Variants in EPB41L3 observed in about 807,000 individuals in gnomAD.
EPB41L3 encodes the protein erythrocyte membrane protein band 4.1 like 3.
A neutral mutation model predicts 127.1 loss-of-function variants in EPB41L3; 57 were observed. That is an observed-to-expected ratio of 0.45 (90% CI 0.36 to 0.56). EPB41L3 has a LOEUF of 0.56. EPB41L3 is among the 20% of genes least tolerant of loss of function. The pLI is 0.00. For missense variants in EPB41L3, 1,273 were observed against 1,372.2 expected, an observed-to-expected ratio of 0.93 and a Z score of 1.14; for synonymous variants, 572 against 549.5, an observed-to-expected ratio of 1.04 and a Z score of -0.57.
At chr18:5,564,196 A>G (rs933481035) in intron 3 of EPB41L3, among the ~76,000 whole-genome samples, 2 of 152,204 alleles carry the variant, frequency 1.3e-5, no homozygotes, top group Non-Finnish European at 2.9e-5. Context: ...AAAGATTTAA[A>G]GAAATGGAGA....
At chr18:5,563,251 A>G (rs925062080) in intron 3 of EPB41L3, among the ~76,000 whole-genome samples, 2 of 152,188 alleles carry the variant, frequency 1.3e-5, no homozygotes, top group African/African-American at 4.8e-5. Flanking sequence ...AATTATGCAC[A>G]TTGAGATAAG....
At chr18:5,417,196 T>C (rs771621459) in intron 12 of EPB41L3, among the ~76,000 whole-genome samples, 4 of 152,236 alleles carry the variant, frequency 2.6e-5, no homozygotes, top group Non-Finnish European at 5.9e-5. Flanking sequence ...CAGAAAGATA[T>C]AATTTCCCAG....
At chr18:5,505,817 ACACCTTCACCTCCACCCCTT>A (rs2092140909) in intron 1 of EPB41L3, among the ~76,000 whole-genome samples, 3 of 97,040 alleles carry the variant, frequency 3.1e-5, no homozygotes, top group African/African-American at 4.2e-5. Context: ...CCTTCCCTCT[ACACCTTCACCTCCACCCCTT>A]CCCTCCACAC....
chr18:5,436,317 C>CA (rs200779856), intron 6 of EPB41L3, among the ~76,000 whole-genome samples: 7 of 147,332 alleles, frequency 4.8e-5, no homozygotes, highest in Admixed American at 6.8e-5. Flanking sequence ...GTAATTATGA[C>CA]AAAAAAATCC....
chr18:5,440,515 C>T (rs1271053820), intron 5 of EPB41L3, among the ~76,000 whole-genome samples: 1 of 152,028 alleles, frequency 6.6e-6, no homozygotes, highest in Non-Finnish European at 1.5e-5. Flanking sequence ...TACATCTGCT[C>T]AAATGAGGGC....
chr18:5,542,854 G>T (rs1207731426), intron 1 of EPB41L3, among the ~76,000 whole-genome samples: 4 of 152,222 alleles, frequency 2.6e-5, no homozygotes, highest in Non-Finnish European at 5.9e-5. Flanking sequence ...CTTGGCGGGC[G>T]TGGGGGGGAA....
intron 11 of EPB41L3, among the ~76,000 whole-genome samples, chr18:5,422,002 T>C (rs1350687227): frequency 6.6e-6 from 1 of 151,972 alleles, no homozygotes; most frequent in Non-Finnish European, 1.5e-5. Context: ...GAAAAAAGAG[T>C]AATTATCAAT....
At chr18:5,486,551 G>A (rs768791420) in intron 2 of EPB41L3, among the ~76,000 whole-genome samples, 1 of 152,014 alleles carries the variant, frequency 6.6e-6, no homozygotes, top group Non-Finnish European at 1.5e-5. Context: ...AGAGCCTACA[G>A]GATAGTAGAA....
At chr18:5,462,185 C>T (rs1445981294) in intron 3 of EPB41L3, among the ~76,000 whole-genome samples, 2 of 152,210 alleles carry the variant, frequency 1.3e-5, no homozygotes, top group Non-Finnish European at 2.9e-5. Flanking sequence ...TGATGTAAAG[C>T]TACTTCTAAT....
chr18:5,447,595 C>T (rs932432225), intron 3 of EPB41L3, among the ~76,000 whole-genome samples: 3 of 152,074 alleles, frequency 2.0e-5, no homozygotes, highest in Non-Finnish European at 4.4e-5. Context: ...CTTCACTGGA[C>T]CCTATGCCTC....
rs1598871904 is a variant in EPB41L3 at position 5,433,351 on chromosome 18, T to C, written c.912+118A>G. The C allele has an allele frequency of 4.3e-6, 3 of 699,744 alleles. No homozygotes were observed. The East Asian group carries it at 8.3e-5, about 19-fold the overall frequency. The allele number at this position is 699,744 out of a possible 1,614,324, so 43.3% of individuals were successfully genotyped here. A position where few individuals can be genotyped will look rare whatever the true frequency, so the allele number is the denominator to read the frequency against. The stretch of plus-strand genomic sequence containing the variant: ...TAGGGCTTAAAAGACAAGCAGAGAT[T>C]TGAATTCTCAGAGGTTTCATTTACA... On this transcript the variant is annotated intron_variant, in intron 8 of 22. Coordinates refer to ENST00000341928, the MANE Select transcript of EPB41L3 (RefSeq NM_012307.5).
In EPB41L3 at chr18:5,399,661, C is replaced by T. The variant is rs187261972; in HGVS notation, c.2350-1518G>A. ...AAATTTTTTGAAGAACAGATTTGCT[C>T]TTATGATAAATTTTGGATCATTTTA... On this transcript the variant is annotated intron_variant, in intron 16 of 22. Transcript: ENST00000341928. The T allele has an allele frequency of 1.3e-3, 375 of 286,324 alleles. 5 individuals carry two copies. The highest frequency in any genetic ancestry group is 7.9e-3 in the African/African-American group (362 of 45,966). The allele number at this position is 286,324 out of a possible 1,614,324, so 17.7% of individuals were successfully genotyped here.
At position 5,561,089 on chromosome 18, in the gene EPB41L3, T is replaced by A. The variant is rs866169910; in HGVS notation, c.-306+51251A>T. 1.3e-4 allele frequency among the ~76,000 whole-genome samples: 19 copies of A among 148,752 alleles called. 3 individuals carry two copies. The highest frequency in any genetic ancestry group is 4.3e-4 in the South Asian group (2 of 4,618). On this transcript the variant is annotated intron_variant, in intron 3 of 21. Coordinates refer to the EPB41L3 transcript ENST00000545076. ...GCCTCCCAGGTTCACGCCATTCTCC[T>A]GCCTCAGCCTCCCGAGTAGCTGGGA...
chr18:5,575,277 C>G lies in EPB41L3; in HGVS notation c.-306+37063G>C, dbSNP rs577938304. Among the ~76,000 whole-genome samples the G allele has an allele frequency of 2.0e-5, 3 of 152,216 alleles. No homozygotes were observed. In the South Asian group the frequency reaches 6.2e-4, roughly 32 times the overall value. On this transcript the variant is annotated intron_variant, in intron 3 of 21. Coordinates refer to the EPB41L3 transcript ENST00000545076. ...GCTTGGATGTGTGTGCCCTCCAGAT[C>G]TCAGGTTGAAATGTGATCTCCAGTG...
intron 2 of EPB41L3, chr18:5,479,829 G>A (rs755943337): frequency 5.3e-5 from 8 of 151,894 alleles, no homozygotes; most frequent in Non-Finnish European, 1.0e-4. Flanking sequence ...TTTAATCACT[G>A]TCTTTCTATA....
chr18:5,419,828 G>A lies in EPB41L3; in HGVS notation c.1389C>T (p.Asn463=), dbSNP rs773713522. ...YATTKGISQT[N]LITTVTPEKK... ...TCTCCGGAGTCACAGTGGTGATCAA[G>A]TTGGTCTGAGAGATGCCTTTTGTTG... is the stretch of plus-strand genomic sequence containing the variant. Residue 463 remains asparagine, a synonymous_variant, in exon 12 of 23, where the codon AAC becomes AAT. Transcript: ENST00000341928. 1.5e-5 allele frequency: 25 copies of A among 1,614,086 alleles called. No individual in the cohort carries two copies. The highest frequency in any genetic ancestry group is 1.9e-5 in the Non-Finnish European group (23 of 1,180,056).
intron 1 of EPB41L3, among the ~76,000 whole-genome samples, chr18:5,626,538 G>A (rs1042166690): frequency 2.6e-5 from 4 of 152,192 alleles, no homozygotes; most frequent in South Asian, 4.2e-4. Context: ...TGTGCTTCTT[G>A]CTATTCTTGA....
chr18:5,414,611 G>A (rs1218302985), intron 13 of EPB41L3, among the ~76,000 whole-genome samples: 10 of 152,254 alleles, frequency 6.6e-5, no homozygotes, highest in Middle Eastern at 3.4e-3. Context: ...AATGCTAAGC[G>A]TATTTTGCTT....
intron 1 of EPB41L3, among the ~76,000 whole-genome samples, chr18:5,527,587 A>G (rs925925085): frequency 1.3e-5 from 2 of 152,206 alleles, no homozygotes; most frequent in Non-Finnish European, 2.9e-5. Flanking sequence ...ATTCTGGTTG[A>G]GGGAGAAACA....
Sources: allele counts gnomAD v4.1 joint callset (sites outside exome capture counted in the v4.1 genomes callset), GRCh38; gene constraint gnomAD v4.1.1; transcripts MANE v1.5; gene names NCBI Gene and HGNC (gene_info 2026-07-23, HGNC 2026-07-21).